The following PSD3 variants were observed in gnomAD, a reference collection of about 807,000 sequenced individuals.
PSD3 encodes the protein PH and SEC7 domain-containing protein 3.
Under a neutral mutation model 105.5 loss-of-function variants are expected in PSD3, and 49 were observed. The observed-to-expected ratio is 0.46, with a 90% CI of 0.37 to 0.59. The LOEUF is 0.59. PSD3 is among the 20% of genes least tolerant of loss of function. The pLI, the probability that PSD3 is intolerant of heterozygous loss-of-function variation, is 0.00. For missense variants in PSD3, 1,561 were observed against 1,263.8 expected (o/e 1.24, Z -3.57); for synonymous variants, 557 against 457.8 (o/e 1.22, Z -2.77).
chr8:18,660,054 A>G (rs180914790), intron 9 of PSD3, among the ~76,000 whole-genome samples: 2 of 152,326 alleles, frequency 1.3e-5, no homozygotes, highest in Admixed American at 1.3e-4. Flanking sequence ...CCTAATGTCC[A>G]GGTCCCAATC....
At chr8:18,898,342 C>T (rs1374712315) in intron 2 of PSD3, among the ~76,000 whole-genome samples, 2 of 152,146 alleles carry the variant, frequency 1.3e-5, no homozygotes, top group Non-Finnish European at 2.9e-5. Flanking sequence ...ATCCTGTTAT[C>T]ACTGTATAAT....
intron 11 of PSD3, among the ~76,000 whole-genome samples, chr8:18,628,312 G>C (rs1475882660): frequency 6.6e-6 from 1 of 151,914 alleles, no homozygotes; most frequent in East Asian, 1.9e-4. Flanking sequence ...ACCAGAGATA[G>C]AAAAATCTTG....
chr8:18,899,582 G>C (rs925587725), intron 2 of PSD3, among the ~76,000 whole-genome samples: 2 of 151,998 alleles, frequency 1.3e-5, no homozygotes, highest in Non-Finnish European at 2.9e-5. Flanking sequence ...CTGAATTAGA[G>C]ATACTGTGTT....
intron 9 of PSD3, among the ~76,000 whole-genome samples, chr8:18,692,560 G>C (rs1329223026): frequency 6.6e-6 from 1 of 152,170 alleles, no homozygotes; most frequent in African/African-American, 2.4e-5. Context: ...GGCCATAATG[G>C]AGCGGGAGCT....
At chr8:19,048,160 G>T (rs1828391058) in intron 1 of PSD3, among the ~76,000 whole-genome samples, 1 of 152,136 alleles carries the variant, frequency 6.6e-6, no homozygotes, top group South Asian at 2.1e-4. Context: ...AAGCTTCACG[G>T]CTGCCCTCTG....
rs554547012 is a variant in PSD3 at position 18,969,970 on chromosome 8, A to G, written c.22-33828T>C. Among the ~76,000 whole-genome samples, 6 of 152,320 alleles carry G rather than the reference A, an allele frequency of 3.9e-5. No homozygotes were observed. The South Asian group carries it at 1.2e-3, about 32-fold the overall frequency. On this transcript the variant is annotated intron_variant, in intron 1 of 15. Coordinates refer to ENST00000327040, the MANE Select transcript of PSD3 (RefSeq NM_015310.4). ...TTATGTATATTCCTGCTTGCACAGTAAAATTAATAAACACTATCTAGTTTT... is the reference window on the plus strand; with the variant it reads ...TTATGTATATTCCTGCTTGCACAGTGAAATTAATAAACACTATCTAGTTTT...
chr8:18,824,536 G>C (rs1027316086), intron 4 of PSD3, among the ~76,000 whole-genome samples: 40 of 152,148 alleles, frequency 2.6e-4, no homozygotes, highest in African/African-American at 8.9e-4. Flanking sequence ...TTAGTCTTAA[G>C]ATATTTAAGA....
At chr8:18,777,619 A>G (rs1331743426) in intron 8 of PSD3, among the ~76,000 whole-genome samples, 2 of 152,246 alleles carry the variant, frequency 1.3e-5, no homozygotes, top group East Asian at 1.9e-4. Flanking sequence ...TAATCAAATC[A>G]GGATATTTTG....
intron 15 of PSD3, among the ~76,000 whole-genome samples, chr8:18,555,362 T>C (rs1459502269): frequency 6.7e-6 from 1 of 149,646 alleles, no homozygotes; most frequent in African/African-American, 2.5e-5. Context: ...CAATGAGAAG[T>C]AAAAGGGGCC....
chr8:18,883,157 G>C (rs1005087698), intron 2 of PSD3, among the ~76,000 whole-genome samples: 1 of 152,036 alleles, frequency 6.6e-6, no homozygotes, highest in African/African-American at 2.4e-5. Flanking sequence ...TTGTATACAC[G>C]TTACAGGATG....
intron 15 of PSD3, 66 bp downstream of exon 15, chr8:18,556,143 C>A (rs1038273989): frequency 6.5e-7 from 1 of 1,530,396 alleles, no homozygotes. Context: ...AGAAAGATAC[C>A]GCCTCATGGA....
At chr8:18,793,329 T>C (rs1286390268) in intron 8 of PSD3, among the ~76,000 whole-genome samples, 2 of 69,432 alleles carry the variant, frequency 2.9e-5, no homozygotes, top group Admixed American at 2.9e-4. Flanking sequence ...AATAACAAAA[T>C]AAAATAAAAA....
At chr8:19,004,831 G>C (rs1460436072) in intron 1 of PSD3, among the ~76,000 whole-genome samples, 1 of 151,960 alleles carries the variant, frequency 6.6e-6, no homozygotes. Flanking sequence ...AGATCTGATG[G>C]CTTTAAAAAT....
At chr8:18,604,397 G>A (rs1199233469) in intron 11 of PSD3, among the ~76,000 whole-genome samples, 2 of 151,918 alleles carry the variant, frequency 1.3e-5, no homozygotes, top group Admixed American at 1.3e-4. Flanking sequence ...TTCTAAGCAG[G>A]AAAAGTGCTC....
chr8:18,557,721 T>G, intron 14 of PSD3, among the ~76,000 whole-genome samples: 1 of 152,222 alleles, frequency 6.6e-6, no homozygotes, highest in Non-Finnish European at 1.5e-5. Flanking sequence ...AAGAAACCTA[T>G]TTTGAGATTT....
intron 1 of PSD3, among the ~76,000 whole-genome samples, chr8:18,948,196 C>T (rs1822986378): frequency 6.6e-6 from 1 of 152,166 alleles, no homozygotes; most frequent in Admixed American, 6.5e-5. Context: ...GGTTCTGGAC[C>T]TGTGTGCTTC....
chr8:18,606,830 T>C (rs1348014347), intron 11 of PSD3, among the ~76,000 whole-genome samples: 4 of 152,160 alleles, frequency 2.6e-5, no homozygotes, highest in African/African-American at 9.7e-5. Context: ...GCACTCTGAG[T>C]GTTGGGCTAA....
At chr8:18,858,681 C>T (rs1816211724) in intron 4 of PSD3, among the ~76,000 whole-genome samples, 1 of 152,134 alleles carries the variant, frequency 6.6e-6, no homozygotes, top group Non-Finnish European at 1.5e-5. Context: ...CAGCAGTAGA[C>T]TTCATTTCAA....
intron 1 of PSD3, among the ~76,000 whole-genome samples, chr8:18,965,936 T>A (rs1214470132): frequency 6.6e-6 from 1 of 152,232 alleles, no homozygotes; most frequent in Non-Finnish European, 1.5e-5. Context: ...GCCCATTTCC[T>A]CTTGTGAGTT....
Sources: gnomAD v4.1 joint callset for allele counts (sites outside exome capture counted in the v4.1 genomes callset) on GRCh38, gnomAD v4.1.1 for gene constraint, MANE v1.5 for transcripts, NCBI Gene and HGNC (gene_info 2026-07-23, HGNC 2026-07-21) for gene names.